The following EEA1 variants were observed in gnomAD, a reference collection of about 807,000 sequenced individuals.
EEA1 encodes early endosome antigen 1, 162kD.
A neutral mutation model predicts 209.2 loss-of-function variants in EEA1; 111 were observed. The ratio of observed to expected loss-of-function variants is 0.53; its 90% CI spans 0.45 to 0.62. The LOEUF (loss-of-function observed/expected upper bound fraction) is 0.62, where lower values mean the gene tolerates loss of function less well. EEA1 is among the 20% of genes least tolerant of loss of function. The pLI is 0.00. For synonymous variants in EEA1, 536 were observed against 540.6 expected, an observed-to-expected ratio of 0.99 and a Z score of 0.12; for missense variants, 1,343 against 1,530.8, an observed-to-expected ratio of 0.88 and a Z score of 2.05.
intron 13 of EEA1, among the ~76,000 whole-genome samples, chr12:92,823,499 C>T (rs184714339): frequency 1.3e-5 from 2 of 152,194 alleles, no homozygotes; most frequent in Non-Finnish European, 1.5e-5. Context: ...CAGATTGTCA[C>T]TTTTAAAAAG....
intron 1 of EEA1, among the ~76,000 whole-genome samples, chr12:92,907,450 C>T (rs976293984): frequency 3.3e-5 from 5 of 152,206 alleles, no homozygotes; most frequent in Non-Finnish European, 5.9e-5. Flanking sequence ...CAAGGCATCA[C>T]TCTTACTTGT....
At chr12:92,835,094 G>C (rs1342261019) in intron 10 of EEA1, among the ~76,000 whole-genome samples, 1 of 151,780 alleles carries the variant, frequency 6.6e-6, no homozygotes, top group Non-Finnish European at 1.5e-5. Context: ...TGTTAGCCAG[G>C]ATGGTCTCGA....
intron 11 of EEA1, among the ~76,000 whole-genome samples, chr12:92,830,896 G>C (rs1241793879): frequency 1.3e-5 from 2 of 152,202 alleles, no homozygotes; most frequent in South Asian, 2.1e-4. Context: ...CAAGAAGGAA[G>C]GCAGATCAGT....
chr12:92,778,866 T>C (rs1555197934), intron 25 of EEA1, among the ~76,000 whole-genome samples: 1 of 151,978 alleles, frequency 6.6e-6, no homozygotes, highest in Non-Finnish European at 1.5e-5. Flanking sequence ...TTCTGACACT[T>C]AAAAAACAAA....
intron 21 of EEA1, among the ~76,000 whole-genome samples, chr12:92,789,630 G>A (rs1419542310): frequency 1.3e-5 from 2 of 152,160 alleles, no homozygotes; most frequent in African/African-American, 4.8e-5. Context: ...AGCTCGAACT[G>A]GGTGGAGCCC....
intron 10 of EEA1, among the ~76,000 whole-genome samples, chr12:92,834,802 T>G (rs1876837867): frequency 6.6e-6 from 1 of 152,210 alleles, no homozygotes; most frequent in African/African-American, 2.4e-5. Context: ...TTGACATAAT[T>G]CTACATTTGT....
intron 14 of EEA1, among the ~76,000 whole-genome samples, chr12:92,818,143 T>C (rs1431367012): frequency 6.6e-6 from 1 of 152,214 alleles, no homozygotes; most frequent in Non-Finnish European, 1.5e-5. Context: ...CCTTCCTTTC[T>C]GGTATCCTAC....
chr12:92,905,111 T>C (rs1271375168), intron 1 of EEA1, among the ~76,000 whole-genome samples: 1 of 152,142 alleles, frequency 6.6e-6, no homozygotes. Context: ...AACTCAGGTA[T>C]TGCCAAAAGG....
intron 9 of EEA1, among the ~76,000 whole-genome samples, chr12:92,844,800 C>G (rs566892622): frequency 3.9e-5 from 6 of 151,948 alleles, no homozygotes; most frequent in African/African-American, 1.4e-4. Context: ...TGGCACATAA[C>G]GCACAGAAAT....
chr12:92,780,280 C>A lies in EEA1; in HGVS notation c.3468G>T (p.Lys1156Asn). The A allele has an allele frequency of 1.9e-6, 3 of 1,593,722 alleles. No homozygotes were observed. Among genetic ancestry groups the A allele is most frequent in the East Asian group, 2.3e-5 (1 of 43,936 alleles). Residue 1156 changes from lysine to asparagine, a missense_variant and splice_region_variant, in exon 24 of 29, where the codon AAG becomes AAT. This residue lies in a region of EEA1 where 1,307 missense variants were observed against 1,465.5 expected (regional missense o/e 0.89). Coordinates refer to ENST00000322349, the MANE Select transcript of EEA1 (RefSeq NM_003566.4). ...ELKSHKLESI[K>N]EITNLKDAKQ... ...AGGAGAAATGATTATCTTAACATACCTTTATGCTTTCTAGTTTGTGGGACT... is the reference window on the plus strand; with the variant it reads ...AGGAGAAATGATTATCTTAACATACATTTATGCTTTCTAGTTTGTGGGACT...
rs1877663508 is a variant in EEA1, at chr12:92,852,266, C to T, written c.551G>A (p.Ser184Asn). ...DIKSKYDEER[S>N]LREAAEQKVT... ...TTTTTGTTCAGCAGCTTCTCGAAGA[C>T]TCCTTTCTTCATCATACTTTGACTT... The change falls in exon 8 of 29, where the codon AGT (serine) becomes AAT (asparagine). Residue 184 changes from serine (S) to asparagine (N), a missense_variant. Physicochemically the swap from Ser to Asn is conservative, Grantham distance 46. Transcript: ENST00000322349. 3 of 1,595,398 alleles carry T rather than the reference C, an allele frequency of 1.9e-6. No homozygotes were observed. Among genetic ancestry groups the T allele is most frequent in the Non-Finnish European group, 2.6e-6 (3 of 1,171,390 alleles).
intron 3 of EEA1, among the ~76,000 whole-genome samples, chr12:92,859,693 A>C (rs1245142871): frequency 1.3e-5 from 2 of 152,234 alleles, no homozygotes; most frequent in African/African-American, 4.8e-5. Context: ...TGCCCTACCC[A>C]ACGCTCCAAA....
chr12:92,831,532 C>CAATATCATGATATG (rs959867538), intron 11 of EEA1, among the ~76,000 whole-genome samples: 1 of 145,568 alleles, frequency 6.9e-6, no homozygotes, highest in Non-Finnish European at 1.5e-5. Context: ...AATTATATAT[C>CAATATCATGATATG]AATATCATGA....
In EEA1 at chr12:92,781,036, G is replaced by A. The variant is rs375026466; in HGVS notation, c.3337-625C>T. 4.6e-5 allele frequency among the ~76,000 whole-genome samples: 7 copies of A among 152,192 alleles called. No individual in the cohort carries two copies. The East Asian group carries it at 1.2e-3, about 25-fold the overall frequency. ...AGCTATCCTCCCACCTCGGTCTCCC[G>A]AGTAGGTGGGACTACAGGTGTGCAC... On this transcript the variant is annotated intron_variant, in intron 23 of 28. Coordinates refer to ENST00000322349, the MANE Select transcript of EEA1 (RefSeq NM_003566.4).
Position 92,852,913 on chromosome 12 carries a change from T to A in EEA1, c.519A>T (p.Ala173=). 1.2e-6 allele frequency: 2 copies of A among 1,606,842 alleles called. No individual in the cohort carries two copies. The highest frequency in any genetic ancestry group is 1.7e-6 in the Non-Finnish European group (2 of 1,176,182). ...CTAAAAAATTCTAACTCAATTTACC[T>A]GCAATTTCAGTAGCAAGTTGGGCTG... ...QKAAQLATEI[A]DIKSKYDEER... The change falls in exon 7 of 29, where the codon GCA becomes GCT. Residue 173 remains alanine, a splice_region_variant and synonymous_variant. Transcript: ENST00000322349.
At chr12:92,858,288 GA>G in intron 3 of EEA1, 1 of 741,002 alleles carries the variant, frequency 1.3e-6, no homozygotes, top group South Asian at 1.4e-5. Context: ...TCTTGCACGT[GA>G]AATTACATCC....
At chr12:92,921,672 C>T (rs1168214869) in intron 1 of EEA1, among the ~76,000 whole-genome samples, 28 of 135,328 alleles carry the variant, frequency 2.1e-4, no homozygotes, top group African/African-American at 6.8e-4. Context: ...GTGGGTGCAG[C>T]GCACCAGCAT....
chr12:92,831,514 AAT>A (rs780218418), intron 11 of EEA1, among the ~76,000 whole-genome samples: 3 of 148,224 alleles, frequency 2.0e-5, no homozygotes, highest in Non-Finnish European at 3.0e-5. Flanking sequence ...TGATATGAAT[AAT>A]ATATGAATTA....
At chr12:92,812,059 G>A (rs1017979868) in intron 16 of EEA1, among the ~76,000 whole-genome samples, 9 of 151,970 alleles carry the variant, frequency 5.9e-5, no homozygotes, top group East Asian at 5.8e-4. Context: ...AGCCAGGTGC[G>A]GTGGCTCACA....
Sources: allele counts gnomAD v4.1 joint callset (sites outside exome capture counted in the v4.1 genomes callset), GRCh38; gene constraint gnomAD v4.1.1; regional missense constraint gnomAD v4.1.1; transcripts MANE v1.5; gene names NCBI Gene and HGNC (gene_info 2026-07-23, HGNC 2026-07-21).